The following ARHGAP12 variants were observed in gnomAD, a reference collection of about 807,000 sequenced individuals.
ARHGAP12 encodes rho GTPase-activating protein 12.
Under a neutral mutation model 108.6 loss-of-function variants are expected in ARHGAP12, and 64 were observed. The ratio of observed to expected loss-of-function variants is 0.59; its 90% CI spans 0.48 to 0.73. The LOEUF (loss-of-function observed/expected upper bound fraction) is 0.73. Among genes scored for constraint, ARHGAP12 ranks in the 30% least tolerant of loss-of-function variants. The pLI, the probability that ARHGAP12 is intolerant of heterozygous loss-of-function variation, is 0.00. For missense variants in ARHGAP12, 940 were observed against 1,005.9 expected (o/e 0.93, Z 0.89); for synonymous variants, 312 against 337.2 (o/e 0.93, Z 0.82).
At chr10:31,897,293 A>G (rs1287271470) in intron 3 of ARHGAP12, among the ~76,000 whole-genome samples, 1 of 152,166 alleles carries the variant, frequency 6.6e-6, no homozygotes. Context: ...CAGACTCCAC[A>G]TCCCTGGTCT....
At chr10:31,892,298 TAA>T (rs1385454280) in intron 3 of ARHGAP12, among the ~76,000 whole-genome samples, 1 of 152,156 alleles carries the variant, frequency 6.6e-6, no homozygotes, top group East Asian at 1.9e-4. Context: ...ATGCTCCAAT[TAA>T]AAGACACAGA....
intron 10 of ARHGAP12, among the ~76,000 whole-genome samples, chr10:31,828,279 T>A (rs1206646967): frequency 6.6e-6 from 1 of 152,036 alleles, no homozygotes; most frequent in Admixed American, 6.6e-5. Flanking sequence ...TAGAATTTAG[T>A]TAAGTTTTGC....
At chr10:31,848,021 C>T (rs1836527891) in intron 6 of ARHGAP12, among the ~76,000 whole-genome samples, 1 of 152,178 alleles carries the variant, frequency 6.6e-6, no homozygotes, top group African/African-American at 2.4e-5. Context: ...TGTCTCTCAT[C>T]CCCCTCCTGA....
chr10:31,913,018 T>G (rs1351004411), intron 1 of ARHGAP12: 1 of 152,200 alleles, frequency 6.6e-6, no homozygotes, highest in African/African-American at 2.4e-5. Flanking sequence ...CAGAAGCGTC[T>G]CAGTTTGATA....
chr10:31,905,413 A>G (rs997930462), intron 3 of ARHGAP12, among the ~76,000 whole-genome samples: 5 of 152,226 alleles, frequency 3.3e-5, no homozygotes, highest in Non-Finnish European at 7.3e-5. Context: ...GTAAATTATC[A>G]ACAATGAAAC....
intron 3 of ARHGAP12, among the ~76,000 whole-genome samples, chr10:31,894,359 A>C (rs1379440729): frequency 6.6e-6 from 1 of 152,116 alleles, no homozygotes; most frequent in Non-Finnish European, 1.5e-5. Context: ...CCATCGTCTC[A>C]GCCCAAAATC....
chr10:31,874,875 G>A (rs572364056), intron 3 of ARHGAP12, among the ~76,000 whole-genome samples: 21 of 147,908 alleles, frequency 1.4e-4, no homozygotes, highest in Non-Finnish European at 2.7e-4. Context: ...TCGGGAGGCT[G>A]AGGCAAGAGA....
In ARHGAP12 at chr10:31,809,131, G is replaced by GA; in HGVS notation, c.2129-4dup. 1 of 1,613,110 alleles carries GA rather than the reference G, an allele frequency of 6.2e-7. No individual in the cohort carries two copies. Among genetic ancestry groups the GA allele is most frequent in the Non-Finnish European group, 8.5e-7 (1 of 1,179,604 alleles). ...GTCATTCAAGTCCAATTTCTCATCT[G>GA]AAAAACAGCAGGAATTGGACATTTT... On this transcript the variant is annotated splice_region_variant and splice_polypyrimidine_tract_variant and intron_variant, in intron 17 of 19. Transcript: ENST00000344936.
intron 3 of ARHGAP12, among the ~76,000 whole-genome samples, chr10:31,864,461 A>T (rs1592307532): frequency 6.6e-6 from 1 of 152,202 alleles, no homozygotes; most frequent in East Asian, 1.9e-4. Context: ...AACTTCATAA[A>T]CATGCTAATT....
At chr10:31,824,986 C>T (rs953460864) in intron 11 of ARHGAP12, among the ~76,000 whole-genome samples, 1 of 152,130 alleles carries the variant, frequency 6.6e-6, no homozygotes, top group African/African-American at 2.4e-5. Context: ...CATGTTTCAC[C>T]TCGAGGAAAA....
Position 31,908,312 on chromosome 10 carries a change from C to A in ARHGAP12, c.544G>T (p.Gly182Cys), listed in dbSNP as rs201347789. 5 of 1,614,072 alleles carry A rather than the reference C, an allele frequency of 3.1e-6. No homozygotes were observed. The highest frequency in any genetic ancestry group is 4.5e-5 in the East Asian group (2 of 44,874). Residue 182 changes from glycine (G) to cysteine (C), a missense_variant, in exon 3 of 20, where the codon GGT becomes TGT. Coordinates refer to ENST00000344936, the MANE Select transcript of ARHGAP12 (RefSeq NM_018287.7). ...NRTRSFGHFP[G>C]PEFLDVEKTS... ...TTCTCTACATCCAAGAACTCTGGAC[C>A]GGGAAAATGACCAAATGAGCGTGTC...
intron 5 of ARHGAP12, 143 bp downstream of exon 5, chr10:31,853,923 T>C (rs932547094): frequency 2.3e-5 from 20 of 858,306 alleles, no homozygotes; most frequent in Non-Finnish European, 3.2e-5. Flanking sequence ...TGAGTTTTCG[T>C]ATTGTCAATT....
intron 2 of ARHGAP12, among the ~76,000 whole-genome samples, chr10:31,909,200 G>C (rs1270352162): frequency 6.6e-6 from 1 of 152,190 alleles, no homozygotes; most frequent in Non-Finnish European, 1.5e-5. Flanking sequence ...AGACACAAGA[G>C]TTGAGAAGAA....
At chr10:31,850,713 A>T (rs2132277231) in intron 6 of ARHGAP12, among the ~76,000 whole-genome samples, 1 of 152,312 alleles carries the variant, frequency 6.6e-6, no homozygotes, top group East Asian at 1.9e-4. Flanking sequence ...ATATTTGGAA[A>T]ATAAAATGGT....
At chr10:31,812,529 T>C (rs1386772119) in intron 15 of ARHGAP12, 178 bp downstream of exon 15, 2 of 436,658 alleles carry the variant, frequency 4.6e-6, no homozygotes, top group Non-Finnish European at 8.0e-6. Context: ...CTACTTTAGT[T>C]AAAATAAACT....
chr10:31,889,851 T>C (rs1838346728), intron 3 of ARHGAP12, among the ~76,000 whole-genome samples: 1 of 151,696 alleles, frequency 6.6e-6, no homozygotes, highest in Non-Finnish European at 1.5e-5. Flanking sequence ...CCCAAAGTGG[T>C]GGGATTACAG....
intron 11 of ARHGAP12, 50 bp from the exon 12 acceptor site, chr10:31,820,538 GT>G (rs774320893): frequency 9.2e-7 from 1 of 1,081,756 alleles, no homozygotes; most frequent in East Asian, 2.7e-5. Flanking sequence ...TCACATATAT[GT>G]GTATTCAAAA....
At chr10:31,873,381 C>A (rs1175509067) in intron 3 of ARHGAP12, among the ~76,000 whole-genome samples, 1 of 152,140 alleles carries the variant, frequency 6.6e-6, no homozygotes, top group Non-Finnish European at 1.5e-5. Context: ...TCCAAACATT[C>A]TCCAAAGTTT....
intron 13 of ARHGAP12, among the ~76,000 whole-genome samples, chr10:31,815,540 T>C (rs191013901): frequency 1.6e-3 from 239 of 152,172 alleles, no homozygotes; most frequent in African/African-American, 5.6e-3. Context: ...AAGAGTGTCT[T>C]AGGTATTCTT....
Sources: allele counts gnomAD v4.1 joint callset (sites outside exome capture counted in the v4.1 genomes callset), GRCh38; gene constraint gnomAD v4.1.1; transcripts MANE v1.5; gene names NCBI Gene and HGNC (gene_info 2026-07-23, HGNC 2026-07-21).